Variants in PCDH7 observed in about 807,000 individuals in gnomAD.
PCDH7 encodes protocadherin-7.
PCDH7 carries 17 observed loss-of-function variants against 58.9 expected under a neutral mutation model. The observed-to-expected ratio is 0.29, with a 90% CI of 0.20 to 0.43. PCDH7 has a LOEUF of 0.43. Among genes scored for constraint, PCDH7 ranks in the 20% least tolerant of loss-of-function variants. PCDH7 has a pLI of 1.00. For missense variants in PCDH7, 1,274 were observed against 1,441.0 expected (o/e 0.88, Z 1.88); for synonymous variants, 664 against 616.4 (o/e 1.08, Z -1.14).
At position 31,129,367 on chromosome 4, in the gene PCDH7, A is replaced by G. The variant is rs1367970193; in HGVS notation, c.*8-13106A>G. Among the ~76,000 whole-genome samples, 6 of 152,184 alleles carry G rather than the reference A, an allele frequency of 3.9e-5. No homozygotes were observed. The East Asian group carries it at 1.2e-3, about 29-fold the overall frequency. On this transcript the variant is annotated intron_variant, in intron 3 of 3. Transcript: ENST00000509759. ...TTTGAAGGACTCATGAGAGACAGAT[A>G]ACAAGTCAAGGAATAGCAGAAGAAA...
At chr4:31,119,700 C>A (rs962531800) in intron 3 of PCDH7, among the ~76,000 whole-genome samples, 4 of 152,088 alleles carry the variant, frequency 2.6e-5, no homozygotes, top group Admixed American at 6.6e-5. Context: ...CCCCTGGATT[C>A]TTTCAGTGTG....
At chr4:30,856,739 G>A (rs1398034992) in intron 1 of PCDH7, among the ~76,000 whole-genome samples, 1 of 150,016 alleles carries the variant, frequency 6.7e-6, no homozygotes, top group African/African-American at 2.4e-5. Context: ...TTAAACAAGT[G>A]TAAGCCAGAA....
chr4:30,764,331 G>A (rs1720418458), intron 1 of PCDH7, among the ~76,000 whole-genome samples: 1 of 152,048 alleles, frequency 6.6e-6, no homozygotes, highest in Admixed American at 6.6e-5. Flanking sequence ...CACACAAATG[G>A]TTAAACGTAT....
intron 3 of PCDH7, among the ~76,000 whole-genome samples, chr4:31,141,383 T>C (rs1188593173): frequency 6.6e-6 from 1 of 152,208 alleles, no homozygotes; most frequent in East Asian, 1.9e-4. Context: ...GTTCTTTTGT[T>C]TGGCAATAAA....
chr4:30,822,889 A>C (rs891058154), intron 1 of PCDH7, among the ~76,000 whole-genome samples: 4 of 152,156 alleles, frequency 2.6e-5, no homozygotes, highest in Non-Finnish European at 5.9e-5. Context: ...AAGCAACAGG[A>C]TCCTTCTCAT....
intron 2 of PCDH7, among the ~76,000 whole-genome samples, chr4:30,947,093 A>C (rs1158285918): frequency 6.6e-6 from 1 of 152,066 alleles, no homozygotes; most frequent in Non-Finnish European, 1.5e-5. Flanking sequence ...ACAGTTGCAC[A>C]TGGTCTCTGG....
In PCDH7 at chr4:30,721,996, G is replaced by A. The variant is rs1268628175; in HGVS notation, c.574G>A (p.Gly192Ser). ...CCAGGAGCCCGGAGGCGGCGGCAGC[G>A]GCGGCGAGAGCCGGCGCGCCGGGGC... Residue 192 changes from glycine to serine, a missense_variant, in exon 1 of 2, where the codon GGC (glycine) becomes AGC (serine). Physicochemically the swap from Gly to Ser is moderately conservative, Grantham distance 56. Around this residue, in one of 3 missense-constraint regions of PCDH7, gnomAD observed 331 missense variants for 303.2 expected, o/e 1.09. Transcript: ENST00000361762. The surrounding 1 kb of genome is among the most constrained non-coding windows in gnomAD (Gnocchi z 6.7). 10 of 1,291,140 alleles carry A rather than the reference G, an allele frequency of 7.7e-6. No homozygotes were observed. The highest frequency in any genetic ancestry group is 9.8e-6 in the Non-Finnish European group (10 of 1,021,850). The allele number at this position is 1,291,140 out of a possible 1,614,324, so 80.0% of individuals were successfully genotyped here.
At chr4:31,107,020 A>G (rs1243684999) in intron 3 of PCDH7, among the ~76,000 whole-genome samples, 1 of 152,154 alleles carries the variant, frequency 6.6e-6, no homozygotes, top group Non-Finnish European at 1.5e-5. Flanking sequence ...GCTTAAGGTA[A>G]CTACTCACAG....
At chr4:30,987,439 A>G (rs1751076652) in intron 3 of PCDH7, 1 of 152,230 alleles carries the variant, frequency 6.6e-6, no homozygotes. Context: ...TTTAATAGCT[A>G]TAAAATGAGG....
At chr4:30,873,285 A>G (rs72619194) in intron 1 of PCDH7, among the ~76,000 whole-genome samples, 29,155 of 152,014 alleles carry the variant, frequency 0.19, 3,540 homozygotes, top group East Asian at 0.28. Flanking sequence ...AATGAATACA[A>G]TTATGCTTTA....
chr4:30,857,447 CT>C (rs1188300473), intron 1 of PCDH7, among the ~76,000 whole-genome samples: 1 of 152,054 alleles, frequency 6.6e-6, no homozygotes, highest in African/African-American at 2.4e-5. Context: ...TAATGTGGAG[CT>C]GTTTTCCATT....
At chr4:30,872,885 C>T (rs1735806619) in intron 1 of PCDH7, among the ~76,000 whole-genome samples, 2 of 152,030 alleles carry the variant, frequency 1.3e-5, no homozygotes, top group Non-Finnish European at 2.9e-5. Flanking sequence ...TATGAGGATT[C>T]AGTAAGTTAA....
intron 1 of PCDH7, chr4:30,776,261 A>G (rs1234512169): frequency 6.6e-6 from 1 of 152,258 alleles, no homozygotes; most frequent in African/African-American, 2.4e-5. Context: ...CTTCTAATTT[A>G]TTTCCACATG....
intron 3 of PCDH7, among the ~76,000 whole-genome samples, chr4:30,981,473 A>G (rs1002217660): frequency 4.6e-5 from 7 of 152,234 alleles, no homozygotes; most frequent in African/African-American, 1.4e-4. Context: ...GCATGAAAAA[A>G]TATCATGATT....
intron 3 of PCDH7, among the ~76,000 whole-genome samples, chr4:31,108,627 T>G (rs529317440): frequency 6.6e-6 from 1 of 152,246 alleles, no homozygotes; most frequent in African/African-American, 2.4e-5. Context: ...GCTGCTATTT[T>G]TATGGGGGAG....
intron 1 of PCDH7, among the ~76,000 whole-genome samples, chr4:30,870,483 G>C (rs909629695): frequency 6.6e-6 from 1 of 152,048 alleles, no homozygotes; most frequent in African/African-American, 2.4e-5. Flanking sequence ...TTAAAAAGAA[G>C]TTTAAAACTA....
intron 1 of PCDH7, among the ~76,000 whole-genome samples, chr4:30,771,815 G>T (rs542760353): frequency 6.6e-6 from 1 of 152,154 alleles, no homozygotes; most frequent in African/African-American, 2.4e-5. Flanking sequence ...AATCATAAAG[G>T]TAACGTAAAG....
In PCDH7 at chr4:30,721,506, G is replaced by A. The variant is rs780054863; in HGVS notation, c.84G>A (p.Ala28=). 7 of 1,599,132 alleles carry A rather than the reference G, an allele frequency of 4.4e-6. No homozygotes were observed. In the South Asian group the frequency reaches 7.7e-5, roughly 18 times the overall value. The change falls in exon 1 of 2, where the codon GCG becomes GCA. Residue 28 remains alanine (A), a synonymous_variant. Transcript: ENST00000361762. The surrounding 1 kb of genome is among the most constrained non-coding windows in gnomAD (Gnocchi z 6.7). ...TCCTGCCGCTCTCGCTCAGCCTGGC[G>A]GCCGCCAAGCAGCTCCTCCGGTACC...
At chr4:30,902,678 T>C (rs1740382527) in intron 1 of PCDH7, among the ~76,000 whole-genome samples, 1 of 151,908 alleles carries the variant, frequency 6.6e-6, no homozygotes, top group African/African-American at 2.4e-5. Flanking sequence ...TATAAACTTT[T>C]GTGGAAAAAA....
Sources: gnomAD v4.1 joint callset for allele counts (sites outside exome capture counted in the v4.1 genomes callset) on GRCh38, gnomAD v4.1.1 for gene constraint, gnomAD v4.1.1 regional missense constraint, Gnocchi (gnomAD v3.1) non-coding constraint, MANE v1.5 for transcripts, NCBI Gene and HGNC (gene_info 2026-07-23, HGNC 2026-07-21) for gene names.